The following KIAA0825 variants were observed in gnomAD, a reference collection of about 807,000 sequenced individuals.
KIAA0825 encodes the protein KIAA0825.
Under a neutral mutation model 147.6 loss-of-function variants are expected in KIAA0825, and 119 were observed. The ratio of observed to expected loss-of-function variants is 0.81; its 90% CI spans 0.69 to 0.94. The LOEUF is 0.94. Ranked by LOEUF, KIAA0825 falls within the 40% of genes least tolerant of loss-of-function variation. KIAA0825 has a pLI of 0.00. For synonymous variants in KIAA0825, 470 were observed against 518.1 expected (o/e 0.91, Z 1.26); for missense variants, 1,381 against 1,472.7 (o/e 0.94, Z 1.02).
At chr5:94,610,840 G>C (rs79048269) in intron 1 of KIAA0825, among the ~76,000 whole-genome samples, 4 of 138,612 alleles carry the variant, frequency 2.9e-5, no homozygotes, top group African/African-American at 1.1e-4. Context: ...TCATGACACA[G>C]TGAAGCACAA....
At chr5:94,602,316 A>G (rs1361161370) in intron 1 of KIAA0825, among the ~76,000 whole-genome samples, 2 of 151,712 alleles carry the variant, frequency 1.3e-5, no homozygotes, top group East Asian at 3.9e-4. Flanking sequence ...GTGCCACTGC[A>G]CTCCAGCCTG....
rs750616184 is a variant in KIAA0825 at position 94,151,594 on chromosome 5, TCTC to T, written c.*2410_*2412del. Among the ~76,000 whole-genome samples the T allele has an allele frequency of 6.6e-6, 1 of 152,116 alleles. No homozygotes were observed. Among genetic ancestry groups the T allele is most frequent in the Non-Finnish European group, 1.5e-5 (1 of 68,026 alleles). On this transcript the variant is annotated 3_prime_UTR_variant, in exon 21 of 21. Transcript: ENST00000682413. ...AGAATTCAACTGCAAGGCCTCTTTCTCTCCTACTTTTATCTTCCTTTAAACTCA... is the reference window on the plus strand; with the variant it reads ...AGAATTCAACTGCAAGGCCTCTTTCTCTACTTTTATCTTCCTTTAAACTCA...
At chr5:94,611,478 T>A (rs944889327) in intron 1 of KIAA0825, among the ~76,000 whole-genome samples, 4 of 152,004 alleles carry the variant, frequency 2.6e-5, no homozygotes, top group African/African-American at 9.7e-5. Context: ...ACTAAACTTA[T>A]GGATCTCTAC....
At chr5:94,503,024 G>C (rs1237762615) in intron 5 of KIAA0825, among the ~76,000 whole-genome samples, 1 of 150,280 alleles carries the variant, frequency 6.7e-6, no homozygotes, top group Admixed American at 6.6e-5. Flanking sequence ...GAGAAGAATC[G>C]ATTGAACGCA....
chr5:94,221,152 C>T (rs768456565), intron 20 of KIAA0825, among the ~76,000 whole-genome samples: 9 of 152,120 alleles, frequency 5.9e-5, no homozygotes, highest in Non-Finnish European at 7.4e-5. Flanking sequence ...CCACAGACTA[C>T]GAGGTGTGAC....
chr5:94,345,796 C>T (rs1425619373), intron 20 of KIAA0825, among the ~76,000 whole-genome samples: 1 of 152,024 alleles, frequency 6.6e-6, no homozygotes, highest in Non-Finnish European at 1.5e-5. Flanking sequence ...CCGGGAGCTT[C>T]GACAAGACTC....
chr5:94,501,107 G>C (rs1352702613), intron 5 of KIAA0825, among the ~76,000 whole-genome samples: 2 of 152,116 alleles, frequency 1.3e-5, no homozygotes, highest in Non-Finnish European at 2.9e-5. Context: ...CACTTTCAGA[G>C]AATATTATAT....
intron 20 of KIAA0825, among the ~76,000 whole-genome samples, chr5:94,234,194 G>A (rs927375652): frequency 1.3e-4 from 19 of 151,688 alleles, no homozygotes; most frequent in South Asian, 4.2e-4. Flanking sequence ...GTGAAACCCC[G>A]TCTCTACTAA....
chr5:94,416,890 G>A (rs1202088529), intron 15 of KIAA0825: 1 of 222,380 alleles, frequency 4.5e-6, no homozygotes, highest in African/African-American at 2.3e-5. Flanking sequence ...TATCTTATAT[G>A]CTCAATAGCA....
chr5:94,163,253 A>T (rs1477332806), intron 20 of KIAA0825, among the ~76,000 whole-genome samples: 1 of 152,188 alleles, frequency 6.6e-6, no homozygotes, highest in Non-Finnish European at 1.5e-5. Context: ...TGCTTAGCAA[A>T]GTACTTAATT....
intron 4 of KIAA0825, among the ~76,000 whole-genome samples, chr5:94,522,670 T>C (rs1038951550): frequency 6.6e-6 from 1 of 151,600 alleles, no homozygotes; most frequent in African/African-American, 2.4e-5. Flanking sequence ...AGAAACTTGA[T>C]AATAAGGTCA....
At chr5:94,465,129 G>T in intron 10 of KIAA0825, 70 bp from the exon 11 acceptor site, 1 of 1,401,014 alleles carries the variant, frequency 7.1e-7, no homozygotes, top group South Asian at 1.4e-5. Context: ...TCCTATGAAC[G>T]TAATTAGTTC....
intron 1 of KIAA0825, among the ~76,000 whole-genome samples, chr5:94,598,916 T>A (rs1304208833): frequency 6.6e-6 from 1 of 152,162 alleles, no homozygotes; most frequent in Admixed American, 6.5e-5. Context: ...CTATTGTGAA[T>A]AGTGCTGCAA....
chr5:94,610,280 C>T (rs527288709), intron 1 of KIAA0825, among the ~76,000 whole-genome samples: 1 of 151,394 alleles, frequency 6.6e-6, no homozygotes, highest in South Asian at 2.1e-4. Context: ...ATTAGCTGGG[C>T]ATGGTGGCAC....
chr5:94,154,180 C>A (rs1766817319), intron 20 of KIAA0825, 56 bp from the exon 21 acceptor site: 1 of 1,062,020 alleles, frequency 9.4e-7, no homozygotes, highest in Non-Finnish European at 1.4e-6. Flanking sequence ...CAGGTCAACA[C>A]TCAGTTAATC....
intron 1 of KIAA0825, among the ~76,000 whole-genome samples, chr5:94,613,923 C>T (rs1289527686): frequency 1.3e-5 from 2 of 152,216 alleles, no homozygotes; most frequent in African/African-American, 2.4e-5. Flanking sequence ...ATTAATATGG[C>T]AATACATGTA....
At chr5:94,299,422 C>A (rs1778284878) in intron 20 of KIAA0825, among the ~76,000 whole-genome samples, 1 of 151,120 alleles carries the variant, frequency 6.6e-6, no homozygotes, top group African/African-American at 2.4e-5. Context: ...GGTCTCACTG[C>A]GTTGCCCAGG....
intron 20 of KIAA0825, among the ~76,000 whole-genome samples, chr5:94,290,865 G>T (rs563292886): frequency 1.3e-4 from 20 of 152,214 alleles, no homozygotes; most frequent in African/African-American, 4.8e-4. Context: ...GTTTTGATTT[G>T]CATTTCTCTA....
At chr5:94,475,178 A>T (rs1457501136) in intron 7 of KIAA0825, among the ~76,000 whole-genome samples, 1 of 152,220 alleles carries the variant, frequency 6.6e-6, no homozygotes, top group African/African-American at 2.4e-5. Context: ...GCATAGTTAT[A>T]GCCCTGTGCT....
Sources: gnomAD v4.1 joint callset for allele counts (sites outside exome capture counted in the v4.1 genomes callset) on GRCh38, gnomAD v4.1.1 for gene constraint, MANE v1.5 for transcripts, NCBI Gene and HGNC (gene_info 2026-07-23, HGNC 2026-07-21) for gene names.